MTMR2: variants seen among roughly 807,000 people sequenced by gnomAD.
The protein encoded by MTMR2 is myotubularin related protein 2.
MTMR2 carries 55 observed loss-of-function variants against 86.9 expected under a neutral mutation model. The observed-to-expected ratio is 0.63, with a 90% CI of 0.51 to 0.79. The LOEUF is 0.79. MTMR2 is among the 30% of genes least tolerant of loss of function. The pLI is 0.00. For synonymous variants in MTMR2, 241 were observed against 266.8 expected (o/e 0.90, Z 0.94); for missense variants, 659 against 772.3 (o/e 0.85, Z 1.74).
chr11:95,870,926 C>G lies in MTMR2; in HGVS notation c.187-5250G>C, dbSNP rs1400760239. On this transcript the variant is annotated intron_variant, in intron 2 of 14. Coordinates refer to ENST00000346299, the MANE Select transcript of MTMR2 (RefSeq NM_016156.6). ...AACAGGCCCTGGTGTGTGATGCTCCCCTTCCTGTGTCCATGTGTTCTCATT... is the reference window on the plus strand; with the variant it reads ...AACAGGCCCTGGTGTGTGATGCTCCGCTTCCTGTGTCCATGTGTTCTCATT... Among the ~76,000 whole-genome samples, 16 of 151,962 alleles carry G rather than the reference C, an allele frequency of 1.1e-4. No individual in the cohort carries two copies. In the South Asian group the frequency reaches 3.3e-3, roughly 32 times the overall value.
Position 95,835,360 on chromosome 11 carries a change from C to G in MTMR2, c.1862G>C (p.Arg621Pro), listed in dbSNP as rs371925152. 7.4e-6 allele frequency: 12 copies of G among 1,613,072 alleles called. No individual in the cohort carries two copies. The highest frequency in any genetic ancestry group is 4.5e-5 in the East Asian group (2 of 44,864). The change falls in exon 15 of 15, where the codon CGA becomes CCA. Residue 621 changes from arginine (R) to proline (P), a missense_variant. Arg to Pro is a moderately radical substitution (Grantham distance 103). This residue lies in a region of MTMR2 where 193 missense variants were observed against 191.6 expected (regional missense o/e 1.01). Coordinates refer to ENST00000346299, the MANE Select transcript of MTMR2 (RefSeq NM_016156.6). ...VEELQREISNRSTSSSERASS... is the reference protein window; with the variant it reads ...VEELQREISNPSTSSSERASS... ...GGCTCTCTCTGAGGATGAGGTTGAT[C>G]GGTTAGAAATCTCTCTCTGTAGTTC...
chr11:95,888,229 T>C lies in MTMR2; in HGVS notation c.113A>G (p.His38Arg). The change falls in exon 2 of 15, where the codon CAT (histidine) becomes CGT (arginine). Residue 38 changes from histidine to arginine, a missense_variant. By Grantham distance (29) the His-to-Arg change is conservative. Around this residue, in one of 3 missense-constraint regions of MTMR2, gnomAD observed 79 missense variants for 54.4 expected, o/e 1.45. Transcript: ENST00000346299. ...ASTSHSENSV[H>R]TKSASVVSSD... Reference sequence around the variant, plus strand: ...TGATACAACAGAAGCTGATTTTGTATGCACTGAATTCTCTGAATGAGAAGT... The same window carrying C: ...TGATACAACAGAAGCTGATTTTGTACGCACTGAATTCTCTGAATGAGAAGT... The C allele has an allele frequency of 1.2e-6, 2 of 1,613,590 alleles. No individual in the cohort carries two copies. The highest frequency in any genetic ancestry group is 1.7e-6 in the Non-Finnish European group (2 of 1,179,668).
At chr11:95,852,236 T>A (rs1432466704) in intron 7 of MTMR2, among the ~76,000 whole-genome samples, 1 of 152,228 alleles carries the variant, frequency 6.6e-6, no homozygotes, top group East Asian at 1.9e-4. Flanking sequence ...AAAGAAACTA[T>A]GGCACAGTTT....
At chr11:95,904,100 C>CTCCA (rs1866170253) in intron 1 of MTMR2, among the ~76,000 whole-genome samples, 2 of 152,208 alleles carry the variant, frequency 1.3e-5, no homozygotes, top group South Asian at 4.2e-4. Flanking sequence ...GACCACTGTA[C>CTCCA]TCCAGCCTGG....
chr11:95,916,514 T>G (rs1866715105), intron 1 of MTMR2, among the ~76,000 whole-genome samples: 1 of 152,154 alleles, frequency 6.6e-6, no homozygotes, highest in African/African-American at 2.4e-5. Flanking sequence ...ACAATCTGGG[T>G]CCTTGATACT....
chr11:95,905,330 C>CGCGCGCGT (rs1555073884), intron 1 of MTMR2, among the ~76,000 whole-genome samples: 4 of 61,508 alleles, frequency 6.5e-5, no homozygotes, highest in African/African-American at 2.4e-4. Context: ...CACGCACCTG[C>CGCGCGCGT]GCACACACAC....
At chr11:95,844,554 G>A (rs1271032518) in intron 11 of MTMR2, among the ~76,000 whole-genome samples, 3 of 152,088 alleles carry the variant, frequency 2.0e-5, no homozygotes, top group Non-Finnish European at 4.4e-5. Flanking sequence ...CATATACCAA[G>A]GGACAACTGT....
intron 2 of MTMR2, among the ~76,000 whole-genome samples, chr11:95,883,748 G>A (rs1865423005): frequency 6.6e-6 from 1 of 152,164 alleles, no homozygotes; most frequent in Non-Finnish European, 1.5e-5. Flanking sequence ...CTGCTTTACT[G>A]ATGCAGAGGC....
At chr11:95,909,176 AAAG>A (rs1251938822) in intron 1 of MTMR2, among the ~76,000 whole-genome samples, 1 of 152,124 alleles carries the variant, frequency 6.6e-6, no homozygotes, top group African/African-American at 2.4e-5. Flanking sequence ...CTACTATTTC[AAAG>A]TGTAGCATTT....
At chr11:95,867,336 T>G (rs761475120) in intron 2 of MTMR2, among the ~76,000 whole-genome samples, 4 of 152,092 alleles carry the variant, frequency 2.6e-5, no homozygotes, top group Non-Finnish European at 4.4e-5. Flanking sequence ...ATTTCTACAT[T>G]CAGAAAGGAC....
chr11:95,854,830 A>T (rs572239370), intron 7 of MTMR2, among the ~76,000 whole-genome samples: 4 of 148,230 alleles, frequency 2.7e-5, no homozygotes, highest in Non-Finnish European at 6.0e-5. Flanking sequence ...TTTTTTTGAG[A>T]CAGGGTCTCA....
intron 9 of MTMR2, 29 bp from the exon 10 acceptor site, chr11:95,847,928 CATAA>C: frequency 6.3e-7 from 1 of 1,595,320 alleles, no homozygotes; most frequent in Non-Finnish European, 8.6e-7. Flanking sequence ...CATGGAAAAT[CATAA>C]ATGAATGCAC....
chr11:95,838,690 G>T (rs1466388464), intron 12 of MTMR2, among the ~76,000 whole-genome samples: 1 of 151,938 alleles, frequency 6.6e-6, no homozygotes, highest in Non-Finnish European at 1.5e-5. Flanking sequence ...TGCGGCTTTT[G>T]CCATTGAAAT....
intron 2 of MTMR2, among the ~76,000 whole-genome samples, chr11:95,884,412 T>C (rs147704325): frequency 6.6e-6 from 1 of 152,258 alleles, no homozygotes; most frequent in Non-Finnish European, 1.5e-5. Flanking sequence ...TTTAAAAAAG[T>C]TTAGCAGCAA....
Position 95,883,056 on chromosome 11 carries a change from A to C in MTMR2, c.186+5100T>G, listed in dbSNP as rs574831254. Among the ~76,000 whole-genome samples the C allele has an allele frequency of 2.7e-3, 408 of 151,952 alleles. 2 individuals carry two copies. Among genetic ancestry groups the C allele is most frequent in the Non-Finnish European group, 4.6e-3 (312 of 67,950 alleles). ...CCACCGCGCCCGGCCAAAAGACATA[A>C]GTCTATTTAATATTTAATTCTGAAT... On this transcript the variant is annotated intron_variant, in intron 2 of 14. Transcript: ENST00000346299.
chr11:95,895,205 G>A (rs1865843245), intron 1 of MTMR2, among the ~76,000 whole-genome samples: 1 of 151,452 alleles, frequency 6.6e-6, no homozygotes, highest in Non-Finnish European at 1.5e-5. Context: ...TATGACTAGA[G>A]GAAGCCAAGA....
chr11:95,855,463 G>A (rs1030392561), intron 7 of MTMR2, among the ~76,000 whole-genome samples: 1 of 151,700 alleles, frequency 6.6e-6, no homozygotes, highest in African/African-American at 2.4e-5. Context: ...TGTTGCCCAC[G>A]CTGGTCTCAA....
intron 2 of MTMR2, among the ~76,000 whole-genome samples, chr11:95,875,813 C>T (rs1865088602): frequency 6.6e-6 from 1 of 152,184 alleles, no homozygotes; most frequent in African/African-American, 2.4e-5. Context: ...AGTTTTCCTT[C>T]TAACAGTCAG....
chr11:95,916,362 G>A (rs1049242217), intron 1 of MTMR2, among the ~76,000 whole-genome samples: 6 of 152,006 alleles, frequency 3.9e-5, no homozygotes, highest in African/African-American at 9.7e-5. Flanking sequence ...CTGGATGTAA[G>A]TTAAAAAAAA....
Sources: allele counts gnomAD v4.1 joint callset (sites outside exome capture counted in the v4.1 genomes callset), GRCh38; gene constraint gnomAD v4.1.1; regional missense constraint gnomAD v4.1.1; transcripts MANE v1.5; gene names NCBI Gene and HGNC (gene_info 2026-07-23, HGNC 2026-07-21).